BIVM: variants seen among roughly 807,000 people sequenced by gnomAD.
BIVM encodes basic, immunoglobulin-like variable motif containing.
BIVM carries 31 observed loss-of-function variants against 61.4 expected under a neutral mutation model. The ratio of observed to expected loss-of-function variants is 0.51; its 90% CI spans 0.38 to 0.68. BIVM has a LOEUF of 0.68. Ranked by LOEUF, BIVM falls within the 30% of genes least tolerant of loss-of-function variation. BIVM has a pLI of 0.00. For missense variants in BIVM, 526 were observed against 596.0 expected, an observed-to-expected ratio of 0.88 and a Z score of 1.22; for synonymous variants, 189 against 210.7, an observed-to-expected ratio of 0.90 and a Z score of 0.89.
At chr13:102,838,852 G>A in intron 10 of BIVM, 113 bp downstream of exon 10, 2 of 996,458 alleles carry the variant, frequency 2.0e-6, no homozygotes, top group Non-Finnish European at 2.8e-6. Flanking sequence ...ATAGAGGAGT[G>A]AAAATTATTT....
At chr13:102,813,924 G>C (rs1879676556) in intron 3 of BIVM, among the ~76,000 whole-genome samples, 1 of 152,016 alleles carries the variant, frequency 6.6e-6, no homozygotes, top group South Asian at 2.1e-4. Flanking sequence ...TTCTTTCTGG[G>C]TTTCCTCTCA....
chr13:102,819,987 T>C (rs1287543234), intron 4 of BIVM, among the ~76,000 whole-genome samples: 2 of 152,184 alleles, frequency 1.3e-5, no homozygotes, highest in East Asian at 3.9e-4. Context: ...GAGAAGATCA[T>C]TTGAAGGCCA....
chr13:102,800,028 C>G (rs1417792549), intron 1 of BIVM, among the ~76,000 whole-genome samples: 1 of 152,194 alleles, frequency 6.6e-6, no homozygotes, highest in African/African-American at 2.4e-5. Flanking sequence ...CAGTCGGACC[C>G]GGAGCCGCCT....
At chr13:102,825,909 G>A (rs1880635046) in intron 7 of BIVM, among the ~76,000 whole-genome samples, 1 of 152,108 alleles carries the variant, frequency 6.6e-6, no homozygotes, top group Non-Finnish European at 1.5e-5. Context: ...TGATTTCATT[G>A]CGAGGTAATT....
chr13:102,839,481 A>G, intron 10 of BIVM, 91 bp from the exon 11 acceptor site: 3 of 1,502,782 alleles, frequency 2.0e-6, no homozygotes, highest in Non-Finnish European at 2.7e-6. Flanking sequence ...CCGGTGAAGT[A>G]AAAAAAGAAA....
intron 7 of BIVM, among the ~76,000 whole-genome samples, chr13:102,823,386 G>A (rs1445567378): frequency 6.6e-6 from 1 of 152,190 alleles, no homozygotes; most frequent in Non-Finnish European, 1.5e-5. Context: ...GTCACTTGCT[G>A]AGCCTTGATG....
rs1466501960 is a variant in BIVM, at chr13:102,834,512, G to T, written c.1081G>T (p.Gly361Ter). Reference protein sequence around the residue: ...PQEVEYWILIGESSRKHPAIH... With the variant: ...PQEVEYWILI ...GGAAGTTGAATATTGGATCTTAATT[G>T]GAGAATCAAGTAGAAAACATCCTGC... Residue 361 changes from glycine (G) to a stop codon, truncating the protein, a stop_gained, in exon 9 of 11, where the codon GGA (glycine) becomes TGA (stop). Transcript: ENST00000257336. LOFTEE classifies it high-confidence loss of function. 1 of 1,592,968 alleles carries T rather than the reference G, an allele frequency of 6.3e-7. No homozygotes were observed.
At chr13:102,837,186 G>T (rs976822836) in intron 9 of BIVM, among the ~76,000 whole-genome samples, 1 of 152,082 alleles carries the variant, frequency 6.6e-6, no homozygotes, top group African/African-American at 2.4e-5. Context: ...GCTGAGGGGG[G>T]AGGATCAACT....
At chr13:102,831,861 C>T (rs1258694589) in intron 8 of BIVM, among the ~76,000 whole-genome samples, 164 bp downstream of exon 8, 1 of 117,190 alleles carries the variant, frequency 8.5e-6, no homozygotes, top group Non-Finnish European at 1.7e-5. Flanking sequence ...AACCCCGTCT[C>T]TACTAAAAAT....
At chr13:102,838,024 C>T (rs1381285536) in intron 9 of BIVM, among the ~76,000 whole-genome samples, 2 of 151,860 alleles carry the variant, frequency 1.3e-5, no homozygotes, top group African/African-American at 4.8e-5. Context: ...TAACCAAAAC[C>T]CAGCTGTACC....
At chr13:102,829,812 C>T (rs1880940306) in intron 7 of BIVM, among the ~76,000 whole-genome samples, 1 of 151,930 alleles carries the variant, frequency 6.6e-6, no homozygotes, top group African/African-American at 2.4e-5. Flanking sequence ...GCACTCCAGC[C>T]TCGGCGACAG....
rs1196901633 is a variant in BIVM at position 102,807,380 on chromosome 13, C to T, written c.113C>T (p.Thr38Ile). 6.2e-7 allele frequency: 1 copy of T among 1,614,178 alleles called. No individual in the cohort carries two copies. The highest frequency in any genetic ancestry group is 8.5e-7 in the Non-Finnish European group (1 of 1,180,030). ...CAAGGTGCTGTAAAATCTTTCTGCA[C>T]AAGTGCCTCAGGAGCACCCTTGGGT... Reference protein sequence around the residue: ...NLQGAVKSFCTSASGAPLGPK... With the variant: ...NLQGAVKSFCISASGAPLGPK... The change falls in exon 3 of 11, where the codon ACA (threonine) becomes ATA (isoleucine). Residue 38 changes from threonine (T) to isoleucine (I), a missense_variant. By Grantham distance (89) the Thr-to-Ile change is moderately conservative. This residue lies in a region of BIVM where 312 missense variants were observed against 343.8 expected (regional missense o/e 0.91). Coordinates refer to ENST00000257336, the MANE Select transcript of BIVM (RefSeq NM_017693.4). The surrounding 1 kb of genome is among the most constrained non-coding windows in gnomAD (Gnocchi z 4.0).
chr13:102,822,067 G>A lies in BIVM; in HGVS notation c.809G>A (p.Trp270Ter). The A allele has an allele frequency of 6.2e-7, 1 of 1,613,648 alleles. No individual in the cohort carries two copies. Among genetic ancestry groups the A allele is most frequent in the Non-Finnish European group, 8.5e-7 (1 of 1,179,898 alleles). ...ACAAATCTTCTTGTTACTTTCAGGT[G>A]GTTTAGACAAATTAATGACCACTTC... ...PFTGNTTLMRWFRQINDHFHV... is the reference protein window; with the variant it reads ...PFTGNTTLMR Residue 270 changes from tryptophan (W) to a stop codon, truncating the protein, a stop_gained and splice_region_variant, in exon 7 of 11, where the codon TGG (tryptophan) becomes TAG (stop). Coordinates refer to ENST00000257336, the MANE Select transcript of BIVM (RefSeq NM_017693.4). LOFTEE classifies it high-confidence loss of function.
rs143421021 is a variant in BIVM at position 102,811,150 on chromosome 13, G to A, written c.478+3405G>A. Reference sequence around the variant, plus strand: ...ATAACACTGGCTTTTATAATTGTTCGTGTATTACCTTCACTGAGGTAAATT... The same window carrying A: ...ATAACACTGGCTTTTATAATTGTTCATGTATTACCTTCACTGAGGTAAATT... On this transcript the variant is annotated intron_variant, in intron 3 of 10. Coordinates refer to ENST00000257336, the MANE Select transcript of BIVM (RefSeq NM_017693.4). Among the ~76,000 whole-genome samples, 38 of 152,284 alleles carry A rather than the reference G, an allele frequency of 2.5e-4. 1 individual carries two copies. In the East Asian group the frequency reaches 2.5e-3, roughly 10 times the overall value.
At chr13:102,809,188 C>A (rs1000824664) in intron 3 of BIVM, among the ~76,000 whole-genome samples, 3 of 152,182 alleles carry the variant, frequency 2.0e-5, no homozygotes, top group Non-Finnish European at 4.4e-5. Context: ...GCTTTAGCTG[C>A]AGCTCACAAA....
chr13:102,812,243 T>G (rs1485344069), intron 3 of BIVM, among the ~76,000 whole-genome samples: 2 of 152,234 alleles, frequency 1.3e-5, no homozygotes, highest in African/African-American at 2.4e-5. Flanking sequence ...TTTCTATCTC[T>G]TCATTGATAT....
intron 4 of BIVM, 72 bp from the exon 5 acceptor site, chr13:102,820,965 A>G: frequency 2.1e-6 from 3 of 1,426,664 alleles, no homozygotes; most frequent in Non-Finnish European, 2.9e-6. Context: ...TTTAATTGCC[A>G]TGAGTTTTCT....
chr13:102,816,308 G>T, intron 3 of BIVM, 120 bp from the exon 4 acceptor site: 3 of 962,460 alleles, frequency 3.1e-6, no homozygotes, highest in South Asian at 4.7e-5. Flanking sequence ...TTTTTTCTTT[G>T]CACTTTCTCA....
intron 3 of BIVM, among the ~76,000 whole-genome samples, chr13:102,814,087 G>T (rs1284078354): frequency 6.6e-6 from 1 of 152,090 alleles, no homozygotes; most frequent in Non-Finnish European, 1.5e-5. Flanking sequence ...GTATGTGTCT[G>T]TGTGTGTCTG....
Sources: allele counts gnomAD v4.1 joint callset (sites outside exome capture counted in the v4.1 genomes callset), GRCh38; gene constraint gnomAD v4.1.1; regional missense constraint gnomAD v4.1.1; non-coding constraint Gnocchi (gnomAD v3.1); transcripts MANE v1.5; gene names NCBI Gene and HGNC (gene_info 2026-07-23, HGNC 2026-07-21).